ERVV-1: variants seen among roughly 807,000 people sequenced by gnomAD.
The protein encoded by ERVV-1 is endogenous retrovirus group V member 1, envelope.
For synonymous variants in ERVV-1, 59 were observed against 170.2 expected (o/e 0.35, Z 5.09); for missense variants, 150 against 456.5 (o/e 0.33, Z 6.12).
rs537123423 is a variant in ERVV-1 at position 53,015,699 on chromosome 19, G to C, written c.*175G>C. On this transcript the variant is annotated 3_prime_UTR_variant, in exon 1 of 1. Transcript: ENST00000602168. The stretch of plus-strand genomic sequence containing the variant: ...ACGGAGGGGCTCCTTCCCTGACAGA[G>C]AGCAAGAGAGGGAGACCCTGATGAC... 1.4e-5 allele frequency: 8 copies of C among 554,120 alleles called. No homozygotes were observed. Among genetic ancestry groups the C allele is most frequent in the African/African-American group, 7.6e-5 (4 of 52,292 alleles). The allele number at this position is 554,120 out of a possible 1,614,324, so 34.3% of individuals were successfully genotyped here. A position where few individuals can be genotyped will look rare whatever the true frequency, so the allele number is the denominator to read the frequency against.
At position 53,015,818 on chromosome 19, in the gene ERVV-1, T is replaced by C; in HGVS notation, c.*294T>C. 3.2e-6 allele frequency: 1 copy of C among 308,074 alleles called. No homozygotes were observed. The highest frequency in any genetic ancestry group is 5.8e-6 in the Non-Finnish European group (1 of 172,502). The allele number at this position is 308,074 out of a possible 1,614,324, so 19.1% of individuals were successfully genotyped here. A position where few individuals can be genotyped will look rare whatever the true frequency, so the allele number is the denominator to read the frequency against. On this transcript the variant is annotated 3_prime_UTR_variant, in exon 1 of 1. Transcript: ENST00000602168. ...AGGGTCTCCAACTCTTGAGGGGGAA[T>C]ACTGTTAGGGTAGGCAGGTAGCCAG...
chr19:53,015,350 A>G lies in ERVV-1; in HGVS notation c.1260A>G (p.Ile420Met). The G allele has an allele frequency of 2.8e-6, 2 of 704,836 alleles. No individual in the cohort carries two copies. The highest frequency in any genetic ancestry group is 5.2e-6 in the Non-Finnish European group (2 of 386,796). 43.7% of individuals were successfully genotyped at this position (704,836 alleles called of 1,614,324 possible). Residue 420 changes from isoleucine to methionine, a missense_variant, in exon 1 of 1, where the codon ATA becomes ATG. By Grantham distance (10) the Ile-to-Met change is conservative. Coordinates refer to ENST00000602168, the MANE Select transcript of ERVV-1 (RefSeq NM_152473.3). ...VNNSGAIEED[I>M]KKIYDEVTWL... ...ACAGTGGGGCGATAGAGGAGGATAT[A>G]AAAAAGATCTATGATGAGGTTACGT...
rs1425339699 is a variant in ERVV-1, at chr19:53,015,638, C to A, written c.*114C>A. The A allele has an allele frequency of 5.1e-6, 3 of 593,072 alleles. No homozygotes were observed. The highest frequency in any genetic ancestry group is 8.9e-6 in the Non-Finnish European group (3 of 335,908). 36.7% of individuals were successfully genotyped at this position (593,072 alleles called of 1,614,324 possible). On this transcript the variant is annotated 3_prime_UTR_variant, in exon 1 of 1. Transcript: ENST00000602168. ...GGTCCCAGCACCTACAAGTACATATCTCCCTTGGATGCCAGTGGGCAAAGA... is the reference window on the plus strand; with the variant it reads ...GGTCCCAGCACCTACAAGTACATATATCCCTTGGATGCCAGTGGGCAAAGA...
Position 53,015,665 on chromosome 19 carries a change from T to C in ERVV-1, c.*141T>C. On this transcript the variant is annotated 3_prime_UTR_variant, in exon 1 of 1. Transcript: ENST00000602168. ...CCCTTGGATGCCAGTGGGCAAAGAT[T>C]CTGCAACTACGGAGGGGCTCCTTCC... 3.5e-6 allele frequency: 2 copies of C among 574,502 alleles called. No individual in the cohort carries two copies. Among genetic ancestry groups the C allele is most frequent in the South Asian group, 4.7e-5 (2 of 42,180 alleles). The allele number at this position is 574,502 out of a possible 1,614,324, so 35.6% of individuals were successfully genotyped here.
Position 53,015,178 on chromosome 19 carries a change from C to T in ERVV-1, c.1088C>T (p.Thr363Ile). The T allele has an allele frequency of 1.3e-6, 1 of 743,702 alleles. No individual in the cohort carries two copies. Among genetic ancestry groups the T allele is most frequent in the Non-Finnish European group, 2.4e-6 (1 of 425,498 alleles). The allele number at this position is 743,702 out of a possible 1,614,324, so 46.1% of individuals were successfully genotyped here. The change falls in exon 1 of 1, where the codon ACC becomes ATC. Residue 363 changes from threonine (T) to isoleucine (I), a missense_variant. Transcript: ENST00000602168. ...CAAATAGACAACATAGCTAAGAGTACCAGAGATAGCATCTCTAAACTCAAG... is the reference window on the plus strand; with the variant it reads ...CAAATAGACAACATAGCTAAGAGTATCAGAGATAGCATCTCTAAACTCAAG... ...SRQIDNIAKS[T>I]RDSISKLKAS... is the part of the protein sequence containing the mutation.
Position 53,015,738 on chromosome 19 carries a change from G to T in ERVV-1, c.*214G>T, listed in dbSNP as rs144326310. 5 of 497,742 alleles carry T rather than the reference G, an allele frequency of 1.0e-5. No individual in the cohort carries two copies. Among genetic ancestry groups the T allele is most frequent in the Non-Finnish European group, 1.7e-5 (5 of 287,676 alleles). 30.8% of individuals were successfully genotyped at this position (497,742 alleles called of 1,614,324 possible). ...GACCCTGATGACTTCTTCGTCCCAC[G>T]TCAGCAGGAAGTAGTTACAGAAGAC... On this transcript the variant is annotated 3_prime_UTR_variant, in exon 1 of 1. Transcript: ENST00000602168.
rs2083787294 is a variant in ERVV-1, at chr19:53,016,106, T to C, written c.*582T>C. 1 of 152,338 alleles carries C rather than the reference T, an allele frequency of 6.6e-6. No individual in the cohort carries two copies. The highest frequency in any genetic ancestry group is 2.4e-5 in the African/African-American group (1 of 41,460). The allele number at this position is 152,338 out of a possible 1,614,324, so 9.4% of individuals were successfully genotyped here. A position where few individuals can be genotyped will look rare whatever the true frequency, so the allele number is the denominator to read the frequency against. On this transcript the variant is annotated 3_prime_UTR_variant, in exon 1 of 1. Coordinates refer to ENST00000602168, the MANE Select transcript of ERVV-1 (RefSeq NM_152473.3). ...CACCCTAATATACCATTTTGTTCAT[T>C]AAAATAATAAAAAAAACCACACACC... is the stretch of plus-strand genomic sequence containing the variant.
chr19:53,015,834 A>G lies in ERVV-1; in HGVS notation c.*310A>G. On this transcript the variant is annotated 3_prime_UTR_variant, in exon 1 of 1. Transcript: ENST00000602168. Reference sequence around the variant, plus strand: ...GAGGGGGAATACTGTTAGGGTAGGCAGGTAGCCAGACAAGAGCAGGCAAGG... The same window carrying G: ...GAGGGGGAATACTGTTAGGGTAGGCGGGTAGCCAGACAAGAGCAGGCAAGG... 3.8e-6 allele frequency: 1 copy of G among 261,042 alleles called. No homozygotes were observed. 16.2% of individuals were successfully genotyped at this position (261,042 alleles called of 1,614,324 possible).
In ERVV-1 at chr19:53,014,704, C is replaced by T. The variant is rs1170001801; in HGVS notation, c.614C>T (p.Thr205Ile). The T allele has an allele frequency of 1.3e-6, 2 of 1,531,262 alleles. No individual in the cohort carries two copies. Among genetic ancestry groups the T allele is most frequent in the South Asian group, 1.2e-5 (1 of 84,046 alleles). The allele number at this position is 1,531,262 out of a possible 1,614,324, so 94.9% of individuals were successfully genotyped here. Residue 205 changes from threonine to isoleucine, a missense_variant, in exon 1 of 1, where the codon ACT becomes ATT. Transcript: ENST00000602168. ...CTATATTTGCTTCCCAAGGCACACA[C>T]TGTCCCCACATGGCCAAAATCTACT... The part of the protein sequence containing the change: ...RVLYLLPKAH[T>I]VPTWPKSTVP...
At position 53,015,616 on chromosome 19, in the gene ERVV-1, C is replaced by T. The variant is rs1477613029; in HGVS notation, c.*92C>T. 3.3e-6 allele frequency: 2 copies of T among 606,302 alleles called. No individual in the cohort carries two copies. Among genetic ancestry groups the T allele is most frequent in the Non-Finnish European group, 5.8e-6 (2 of 342,054 alleles). The allele number at this position is 606,302 out of a possible 1,614,324, so 37.6% of individuals were successfully genotyped here. A position where few individuals can be genotyped will look rare whatever the true frequency, so the allele number is the denominator to read the frequency against. ...AGATCATCCAATCTTCCTTGGAGGT[C>T]CCAGCACCTACAAGTACATATCTCC... On this transcript the variant is annotated 3_prime_UTR_variant, in exon 1 of 1. Coordinates refer to ENST00000602168, the MANE Select transcript of ERVV-1 (RefSeq NM_152473.3).
At position 53,015,813 on chromosome 19, in the gene ERVV-1, G is replaced by C. The variant is rs1473534199; in HGVS notation, c.*289G>C. 1 of 318,472 alleles carries C rather than the reference G, an allele frequency of 3.1e-6. No individual in the cohort carries two copies. Among genetic ancestry groups the C allele is most frequent in the African/African-American group, 2.2e-5 (1 of 45,914 alleles). The allele number at this position is 318,472 out of a possible 1,614,324, so 19.7% of individuals were successfully genotyped here. A position where few individuals can be genotyped will look rare whatever the true frequency, so the allele number is the denominator to read the frequency against. ...TTTTCAGGGTCTCCAACTCTTGAGG[G>C]GGAATACTGTTAGGGTAGGCAGGTA... On this transcript the variant is annotated 3_prime_UTR_variant, in exon 1 of 1. Coordinates refer to ENST00000602168, the MANE Select transcript of ERVV-1 (RefSeq NM_152473.3).
chr19:53,015,602 T>A lies in ERVV-1; in HGVS notation c.*78T>A. The A allele has an allele frequency of 1.6e-6, 1 of 609,698 alleles. No homozygotes were observed. Among genetic ancestry groups the A allele is most frequent in the Non-Finnish European group, 2.9e-6 (1 of 343,326 alleles). The allele number at this position is 609,698 out of a possible 1,614,324, so 37.8% of individuals were successfully genotyped here. A position where few individuals can be genotyped will look rare whatever the true frequency, so the allele number is the denominator to read the frequency against. On this transcript the variant is annotated 3_prime_UTR_variant, in exon 1 of 1. Transcript: ENST00000602168. ...CTAAAAATGGAAAGAGATCATCCAATCTTCCTTGGAGGTCCCAGCACCTAC... is the reference window on the plus strand; with the variant it reads ...CTAAAAATGGAAAGAGATCATCCAAACTTCCTTGGAGGTCCCAGCACCTAC...
rs1661940 is a variant in ERVV-1, at chr19:53,015,374, G to C, written c.1284G>C (p.Thr428=). Residue 428 remains threonine, a synonymous_variant, in exon 1 of 1, where the codon ACG becomes ACC. Transcript: ENST00000602168. ...EDIKKIYDEV[T]WLHNFGKGDS... ...TAAAAAAGATCTATGATGAGGTTACGTGGCTCCATAACTTTGGAAAAGGTG... is the reference window on the plus strand; with the variant it reads ...TAAAAAAGATCTATGATGAGGTTACCTGGCTCCATAACTTTGGAAAAGGTG... The C allele has an allele frequency of 0.044, 30,858 of 703,614 alleles. 903 individuals are homozygous for C. The highest frequency in any genetic ancestry group is 0.11 in the African/African-American group (6,061 of 57,304). 43.6% of individuals were successfully genotyped at this position (703,614 alleles called of 1,614,324 possible). A position where few individuals can be genotyped will look rare whatever the true frequency, so the allele number is the denominator to read the frequency against.
chr19:53,014,381 C>T lies in ERVV-1; in HGVS notation c.291C>T (p.Pro97=). The change falls in exon 1 of 1, where the codon CCC becomes CCT. Residue 97 remains proline (P), a synonymous_variant. Transcript: ENST00000602168. ...VSLANSAHQV[P]CLDLTPPFNQ... ...TTGCTAACTCAGCGCACCAAGTCCC[C>T]TGCCTGGATCTCACTCCACCTTTCA... 1 of 825,358 alleles carries T rather than the reference C, an allele frequency of 1.2e-6. No individual in the cohort carries two copies. The highest frequency in any genetic ancestry group is 1.8e-6 in the Non-Finnish European group (1 of 570,772). 51.1% of individuals were successfully genotyped at this position (825,358 alleles called of 1,614,324 possible). A position where few individuals can be genotyped will look rare whatever the true frequency, so the allele number is the denominator to read the frequency against.
chr19:53,015,668 G>C lies in ERVV-1; in HGVS notation c.*144G>C, dbSNP rs540263894. The C allele has an allele frequency of 7.0e-6, 4 of 572,796 alleles. No homozygotes were observed. The highest frequency in any genetic ancestry group is 6.5e-5 in the Admixed American group (2 of 30,680). The allele number at this position is 572,796 out of a possible 1,614,324, so 35.5% of individuals were successfully genotyped here. On this transcript the variant is annotated 3_prime_UTR_variant, in exon 1 of 1. Transcript: ENST00000602168. ...TTGGATGCCAGTGGGCAAAGATTCT[G>C]CAACTACGGAGGGGCTCCTTCCCTG...
Position 53,015,026 on chromosome 19 carries a change from C to T in ERVV-1, c.936C>T (p.Asn312=). The T allele has an allele frequency of 6.6e-7, 1 of 1,516,550 alleles. No homozygotes were observed. Among genetic ancestry groups the T allele is most frequent in the South Asian group, 1.2e-5 (1 of 83,574 alleles). 93.9% of individuals were successfully genotyped at this position (1,516,550 alleles called of 1,614,324 possible). Residue 312 remains asparagine (N), a synonymous_variant, in exon 1 of 1, where the codon AAC becomes AAT. Coordinates refer to ENST00000602168, the MANE Select transcript of ERVV-1 (RefSeq NM_152473.3). ...GGGGGATAGGTGTGACCATTTATAA[C>T]ACCACCCAACCCAGACAGAAAAGAG... ...GPRGIGVTIY[N]TTQPRQKRAL... is the part of the protein sequence containing the mutation.
Position 53,013,997 on chromosome 19 carries a change from C to A in ERVV-1, c.-94C>A, listed in dbSNP as rs2083776314. 1 of 1,525,832 alleles carries A rather than the reference C, an allele frequency of 6.6e-7. No individual in the cohort carries two copies. The highest frequency in any genetic ancestry group is 1.2e-5 in the South Asian group (1 of 83,532). The allele number at this position is 1,525,832 out of a possible 1,614,324, so 94.5% of individuals were successfully genotyped here. On this transcript the variant is annotated 5_prime_UTR_variant, in exon 1 of 1. Transcript: ENST00000602168. ...TGAAGTCCCGATAACAGCCTGATTT[C>A]TCACTAAACACTCCATCGAACCATT...
Position 53,013,976 on chromosome 19 carries a change from G to A in ERVV-1, c.-115G>A, listed in dbSNP as rs1486551614. Reference sequence around the variant, plus strand: ...GACCCACACTGGCATGCCACCTGAAGTCCCGATAACAGCCTGATTTCTCAC... The same window carrying A: ...GACCCACACTGGCATGCCACCTGAAATCCCGATAACAGCCTGATTTCTCAC... On this transcript the variant is annotated 5_prime_UTR_variant, in exon 1 of 1. Coordinates refer to ENST00000602168, the MANE Select transcript of ERVV-1 (RefSeq NM_152473.3). 6.7e-7 allele frequency: 1 copy of A among 1,492,852 alleles called. No individual in the cohort carries two copies. The highest frequency in any genetic ancestry group is 1.4e-5 in the African/African-American group (1 of 71,646). 92.5% of individuals were successfully genotyped at this position (1,492,852 alleles called of 1,614,324 possible). A position where few individuals can be genotyped will look rare whatever the true frequency, so the allele number is the denominator to read the frequency against.
chr19:53,015,283 T>C lies in ERVV-1; in HGVS notation c.1193T>C (p.Val398Ala). The C allele has an allele frequency of 1.4e-6, 1 of 715,796 alleles. No homozygotes were observed. Among genetic ancestry groups the C allele is most frequent in the South Asian group, 1.5e-5 (1 of 67,740 alleles). 44.3% of individuals were successfully genotyped at this position (715,796 alleles called of 1,614,324 possible). ...LDYLLAEQGG[V>A]CAVISKSCCI... ...TACCTCTTAGCAGAGCAGGGTGGAGTCTGTGCAGTGATCAGTAAATCCTGT... is the reference window on the plus strand; with the variant it reads ...TACCTCTTAGCAGAGCAGGGTGGAGCCTGTGCAGTGATCAGTAAATCCTGT... Residue 398 changes from valine (V) to alanine (A), a missense_variant, in exon 1 of 1, where the codon GTC (valine) becomes GCC (alanine). Coordinates refer to ENST00000602168, the MANE Select transcript of ERVV-1 (RefSeq NM_152473.3).
Sources: allele counts gnomAD v4.1 joint callset, GRCh38; gene constraint gnomAD v4.1.1; transcripts MANE v1.5; gene names NCBI Gene and HGNC (gene_info 2026-07-23, HGNC 2026-07-21).